SELENOI: variants seen among roughly 807,000 people sequenced by gnomAD.
SELENOI encodes selenoprotein I.
SELENOI carries 24 observed loss-of-function variants against 50.7 expected under a neutral mutation model. That is an observed-to-expected ratio of 0.47 (90% CI 0.34 to 0.67). The LOEUF (loss-of-function observed/expected upper bound fraction) is 0.67. SELENOI is among the 30% of genes least tolerant of loss of function. SELENOI has a pLI of 0.01. For synonymous variants in SELENOI, 155 were observed against 170.2 expected (o/e 0.91, Z 0.70); for missense variants, 352 against 461.4 (o/e 0.76, Z 2.17).
At chr2:26,362,576 C>A (rs564524471) in intron 1 of SELENOI, among the ~76,000 whole-genome samples, 1 of 151,976 alleles carries the variant, frequency 6.6e-6, no homozygotes, top group South Asian at 2.1e-4. Context: ...GCCTGGCCAA[C>A]ATGGTGAAAC....
Position 26,389,667 on chromosome 2 carries a change from T to A in SELENOI, c.*564T>A, listed in dbSNP as rs1167027733. 1 of 153,196 alleles carries A rather than the reference T, an allele frequency of 6.5e-6. No homozygotes were observed. The highest frequency in any genetic ancestry group is 1.5e-5 in the Non-Finnish European group (1 of 68,450). The allele number at this position is 153,196 out of a possible 1,614,324, so 9.5% of individuals were successfully genotyped here. ...CTCAAATGATAAGAGAGCTAATACATTTAGCTAATATTCTAGCTCTCTTTA... is the reference window on the plus strand; with the variant it reads ...CTCAAATGATAAGAGAGCTAATACAATTAGCTAATATTCTAGCTCTCTTTA... On this transcript the variant is annotated 3_prime_UTR_variant, in exon 10 of 10. Transcript: ENST00000260585.
intron 6 of SELENOI, among the ~76,000 whole-genome samples, chr2:26,378,091 T>C (rs531946448): frequency 1.3e-5 from 2 of 152,112 alleles, no homozygotes; most frequent in East Asian, 3.9e-4. Flanking sequence ...CTCTTGGGGG[T>C]CTCCTTTGTG....
chr2:26,377,089 C>G (rs1213283478), intron 6 of SELENOI, among the ~76,000 whole-genome samples: 5 of 152,162 alleles, frequency 3.3e-5, no homozygotes, highest in Admixed American at 2.6e-4. Flanking sequence ...GTCACAGTTT[C>G]ACTTCTTGAG....
chr2:26,374,033 T>A (rs1251483185), intron 5 of SELENOI, among the ~76,000 whole-genome samples: 1 of 152,156 alleles, frequency 6.6e-6, no homozygotes, highest in Non-Finnish European at 1.5e-5. Flanking sequence ...ATTACAGGCA[T>A]GAGCCACCGT....
intron 1 of SELENOI, among the ~76,000 whole-genome samples, chr2:26,359,780 G>A (rs1322172961): frequency 1.3e-5 from 2 of 152,220 alleles, no homozygotes; most frequent in African/African-American, 2.4e-5. Flanking sequence ...TGGAAGTAAT[G>A]AGTTGGTGAG....
At position 26,373,411 on chromosome 2, in the gene SELENOI, C is replaced by T. The variant is rs1218374722; in HGVS notation, c.355C>T (p.Pro119Ser). 6.2e-7 allele frequency: 1 copy of T among 1,612,596 alleles called. No homozygotes were observed. The highest frequency in any genetic ancestry group is 1.3e-5 in the African/African-American group (1 of 74,916). The change falls in exon 5 of 10, where the codon CCC becomes TCC. Residue 119 changes from proline (P) to serine (S), a missense_variant. Transcript: ENST00000260585. ...AGCTCGCAGAACCAATTCTAGCACT[C>T]CCTTAGGGGAGCTTTTTGATCATGG... ...KQARRTNSST[P>S]LGELFDHGLD... is the part of the protein sequence containing the mutation.
Position 26,385,058 on chromosome 2 carries a change from C to A in SELENOI, c.831C>A (p.Ile277=). The A allele has an allele frequency of 1.9e-6, 3 of 1,612,860 alleles. No homozygotes were observed. The highest frequency in any genetic ancestry group is 2.5e-6 in the Non-Finnish European group (3 of 1,179,346). The part of the protein sequence containing the change: ...CLLFILSTAW[I]LWSPSDILEL... ...TGTTCATTTTGTCTACAGCGTGGAT[C>A]CTTTGGTCACCTTCAGATATTTTAG... The change falls in exon 8 of 10, where the codon ATC becomes ATA. Residue 277 remains isoleucine, a synonymous_variant. Transcript: ENST00000260585.
At chr2:26,370,016 C>T (rs1160928387) in intron 4 of SELENOI, among the ~76,000 whole-genome samples, 3 of 149,870 alleles carry the variant, frequency 2.0e-5, no homozygotes, top group East Asian at 1.9e-4. Context: ...CCTTCCGCAG[C>T]GTTTGTGTCC....
At chr2:26,369,440 A>T (rs1677360757) in intron 4 of SELENOI, among the ~76,000 whole-genome samples, 1 of 152,062 alleles carries the variant, frequency 6.6e-6, no homozygotes, top group African/African-American at 2.4e-5. Context: ...TTCTATTAAC[A>T]CTACCACTAT....
At chr2:26,360,909 G>A (rs1170181713) in intron 1 of SELENOI, among the ~76,000 whole-genome samples, 1 of 152,134 alleles carries the variant, frequency 6.6e-6, no homozygotes, top group Non-Finnish European at 1.5e-5. Flanking sequence ...ATTATGGAAA[G>A]GCTTTGTAAA....
chr2:26,372,366 C>T (rs890237477), intron 4 of SELENOI, among the ~76,000 whole-genome samples: 1 of 152,240 alleles, frequency 6.6e-6, no homozygotes, highest in Non-Finnish European at 1.5e-5. Context: ...CTGCCTTGGC[C>T]TCCGAAAGTG....
chr2:26,364,993 T>G, intron 3 of SELENOI, 53 bp downstream of exon 3: 1 of 1,283,574 alleles, frequency 7.8e-7, no homozygotes, highest in Non-Finnish European at 1.1e-6. Flanking sequence ...AAATGAAATG[T>G]GGATGCTTAT....
rs34004967 is a variant in SELENOI at position 26,374,566 on chromosome 2, A to ATTT, written c.574-457_574-455dup. ...ATAGCATTGTTGGCTAAAAGATTGT[A>ATTT]TTTTTTTTTTTTTTTTTTTGAGACA... On this transcript the variant is annotated intron_variant, in intron 5 of 9. Transcript: ENST00000260585. Among the ~76,000 whole-genome samples, 94 of 128,834 alleles carry ATTT rather than the reference A, an allele frequency of 7.3e-4. No individual in the cohort carries two copies. The Middle Eastern group carries it at 0.012, about 16-fold the overall frequency. The allele number at this position is 128,834 out of a possible 152,430, so 84.5% of individuals were successfully genotyped here.
chr2:26,386,237 A>G (rs1039386729), intron 8 of SELENOI, 117 bp from the exon 9 acceptor site: 19 of 1,012,886 alleles, frequency 1.9e-5, no homozygotes, highest in Admixed American at 1.5e-4. Flanking sequence ...AGATAATGTA[A>G]GTGTGTTGGT....
At chr2:26,348,571 C>T (rs1291415081) in intron 1 of SELENOI, among the ~76,000 whole-genome samples, 1 of 152,180 alleles carries the variant, frequency 6.6e-6, no homozygotes, top group South Asian at 2.1e-4. Flanking sequence ...TATGTATTGA[C>T]ACTTGCATTC....
intron 4 of SELENOI, among the ~76,000 whole-genome samples, chr2:26,370,904 ACGGGGCGGCTGGCCGGGCGGGGGGCTG>A: frequency 9.1e-6 from 1 of 109,970 alleles, no homozygotes; most frequent in Admixed American, 8.8e-5. Context: ...TCCCTCCCGG[ACGGGGCGGCTGGCCGGGCGGGGGGCTG>A]ACCCCCCCAC....
Position 26,367,250 on chromosome 2 carries a change from C to T in SELENOI, c.310+30C>T, listed in dbSNP as rs6731447. 0.33 allele frequency: 516,767 copies of T among 1,543,016 alleles called. 89,739 individuals carry two copies. The highest frequency in any genetic ancestry group is 0.35 in the Non-Finnish European group (396,701 of 1,129,524). ...GGAATTGGTAAATACTTACTATAGT[C>T]AGTGACTGGTGAATCAGCAAGGATA... On this transcript the variant is annotated intron_variant, in intron 4 of 9. Coordinates refer to ENST00000260585, the MANE Select transcript of SELENOI (RefSeq NM_033505.4).
chr2:26,362,762 GAAAAA>G (rs1056576849), intron 1 of SELENOI, among the ~76,000 whole-genome samples: 1 of 144,142 alleles, frequency 6.9e-6, no homozygotes, highest in Non-Finnish European at 1.5e-5. Context: ...TCAAAAAAAA[GAAAAA>G]AAAAAGAAAA....
At chr2:26,383,108 C>T (rs1677742734) in intron 6 of SELENOI, among the ~76,000 whole-genome samples, 191 bp from the exon 7 acceptor site, 1 of 152,094 alleles carries the variant, frequency 6.6e-6, no homozygotes, top group Non-Finnish European at 1.5e-5. Flanking sequence ...TGAGTCTGCC[C>T]TCTGAATCAC....
Sources: gnomAD v4.1 joint callset for allele counts (sites outside exome capture counted in the v4.1 genomes callset) on GRCh38, gnomAD v4.1.1 for gene constraint, MANE v1.5 for transcripts, NCBI Gene and HGNC (gene_info 2026-07-23, HGNC 2026-07-21) for gene names.